The following SLC44A5 variants were observed in gnomAD, a reference collection of about 807,000 sequenced individuals.
SLC44A5 encodes the protein choline transporter-like protein 5.
Under a neutral mutation model 101.8 loss-of-function variants are expected in SLC44A5, and 57 were observed. The ratio of observed to expected loss-of-function variants is 0.56; its 90% CI spans 0.45 to 0.70. The LOEUF (loss-of-function observed/expected upper bound fraction) is 0.70, where lower values mean the gene tolerates loss of function less well. Ranked by LOEUF, SLC44A5 falls within the 30% of genes least tolerant of loss-of-function variation. SLC44A5 has a pLI of 0.00. For synonymous variants in SLC44A5, 281 were observed against 290.9 expected, an observed-to-expected ratio of 0.97 and a Z score of 0.35; for missense variants, 737 against 853.1, an observed-to-expected ratio of 0.86 and a Z score of 1.70.
intron 2 of SLC44A5, among the ~76,000 whole-genome samples, chr1:75,447,870 T>G (rs575558516): frequency 1.3e-5 from 2 of 152,188 alleles, no homozygotes; most frequent in East Asian, 3.8e-4. Context: ...AATGGTTTAG[T>G]AAATATAAGC....
chr1:75,699,056 G>A, the SLC44A5 span, among the ~76,000 whole-genome samples: 1 of 152,148 alleles, frequency 6.6e-6, no homozygotes, highest in Non-Finnish European at 1.5e-5. Flanking sequence ...CGGGGAGAAT[G>A]GAACCAAGTT....
rs181114500 is a variant in SLC44A5 at position 75,279,011 on chromosome 1, T to C, written c.176-3969A>G. 8.5e-4 allele frequency among the ~76,000 whole-genome samples: 129 copies of C among 152,236 alleles called. No individual in the cohort carries two copies. The East Asian group carries it at 0.016, about 19-fold the overall frequency. ...AGGTTTAATGATCAAATCAGGATAA[T>C]TGGAATATCTATCACCTCAAACCTT... On this transcript the variant is annotated intron_variant, in intron 5 of 23. Transcript: ENST00000370859.
At chr1:75,474,181 A>T (rs1282487230) in intron 2 of SLC44A5, among the ~76,000 whole-genome samples, 1 of 152,210 alleles carries the variant, frequency 6.6e-6, no homozygotes, top group Non-Finnish European at 1.5e-5. Context: ...CTGAAAAATA[A>T]AAAAAGAAGG....
intron 2 of SLC44A5, among the ~76,000 whole-genome samples, chr1:75,510,561 T>C (rs191693109): frequency 7.5e-4 from 115 of 152,328 alleles, no homozygotes; most frequent in African/African-American, 2.5e-3. Context: ...GCATTCCTGA[T>C]ACATTTTAAA....
At chr1:75,362,956 A>G (rs78665761) in intron 3 of SLC44A5, among the ~76,000 whole-genome samples, 2,772 of 152,208 alleles carry the variant, frequency 0.018, 85 homozygotes, top group African/African-American at 0.064. Context: ...ATTGCAGTCT[A>G]TATTTCCCTC....
chr1:75,465,103 A>C (rs1372879290), intron 2 of SLC44A5, among the ~76,000 whole-genome samples: 1 of 152,198 alleles, frequency 6.6e-6, no homozygotes, highest in Non-Finnish European at 1.5e-5. Context: ...GTTCATCAGC[A>C]CATGGATCAT....
At chr1:75,536,532 C>T (rs1181082978) in intron 2 of SLC44A5, among the ~76,000 whole-genome samples, 2 of 141,138 alleles carry the variant, frequency 1.4e-5, no homozygotes, top group Non-Finnish European at 3.0e-5. Flanking sequence ...ACCCGGGAAG[C>T]GAAGCTTGCA....
intron 2 of SLC44A5, among the ~76,000 whole-genome samples, chr1:75,401,916 A>C (rs1272171722): frequency 6.6e-6 from 1 of 152,208 alleles, no homozygotes; most frequent in African/African-American, 2.4e-5. Flanking sequence ...CAATTCTAGC[A>C]GACAAAATTT....
intron 2 of SLC44A5, among the ~76,000 whole-genome samples, chr1:75,457,573 C>T (rs986657264): frequency 2.0e-5 from 3 of 152,046 alleles, no homozygotes; most frequent in Non-Finnish European, 2.9e-5. Flanking sequence ...AAAAGTTCAC[C>T]GAGGCCAGGT....
intron 22 of SLC44A5, among the ~76,000 whole-genome samples, chr1:75,212,954 C>T (rs1646887276): frequency 6.6e-6 from 1 of 152,168 alleles, no homozygotes; most frequent in South Asian, 2.1e-4. Context: ...AACAATTGCC[C>T]TTCCTGCAGG....
At chr1:75,633,980 A>G in the SLC44A5 span, among the ~76,000 whole-genome samples, 1 of 151,968 alleles carries the variant, frequency 6.6e-6, no homozygotes, top group Non-Finnish European at 1.5e-5. Flanking sequence ...TGAGATAATC[A>G]TGTGGTTTTT....
At chr1:75,507,265 T>C (rs1483828330) in intron 2 of SLC44A5, among the ~76,000 whole-genome samples, 1 of 152,166 alleles carries the variant, frequency 6.6e-6, no homozygotes, top group African/African-American at 2.4e-5. Flanking sequence ...GAAAGGATGT[T>C]AGATTTTATT....
intron 12 of SLC44A5, among the ~76,000 whole-genome samples, chr1:75,231,714 A>C (rs1647589082): frequency 1.3e-5 from 2 of 152,166 alleles, no homozygotes. Context: ...GAAACCTATG[A>C]ATTAAAGAAA....
At chr1:75,679,921 T>G in the SLC44A5 span, among the ~76,000 whole-genome samples, 1 of 151,960 alleles carries the variant, frequency 6.6e-6, no homozygotes, top group South Asian at 2.1e-4. Flanking sequence ...GAGGAAGATC[T>G]ACCAAGCAAA....
At chr1:75,424,853 G>T (rs116765932) in intron 2 of SLC44A5, among the ~76,000 whole-genome samples, 14 of 152,140 alleles carry the variant, frequency 9.2e-5, no homozygotes, top group Non-Finnish European at 1.8e-4. Flanking sequence ...GAAAAGTGAA[G>T]AATTTAGTGA....
chr1:75,484,779 C>T (rs1418627105), intron 2 of SLC44A5, among the ~76,000 whole-genome samples: 2 of 152,236 alleles, frequency 1.3e-5, no homozygotes, highest in East Asian at 3.9e-4. Flanking sequence ...TAGGTGGAGG[C>T]TCCCAAAGCT....
At chr1:75,423,063 T>C (rs17096851) in intron 2 of SLC44A5, among the ~76,000 whole-genome samples, 14,967 of 152,264 alleles carry the variant, frequency 0.098, 904 homozygotes, top group Admixed American at 0.19. Context: ...TAAATCCTGA[T>C]TCATCTCTCA....
At chr1:75,242,308 T>C (rs993562892) in intron 8 of SLC44A5, among the ~76,000 whole-genome samples, 1 of 152,008 alleles carries the variant, frequency 6.6e-6, no homozygotes, top group African/African-American at 2.4e-5. Context: ...AGGAACACCT[T>C]TGGAGGTGTG....
intron 1 of SLC44A5, among the ~76,000 whole-genome samples, chr1:75,571,082 C>T (rs1282495850): frequency 6.6e-6 from 1 of 152,152 alleles, no homozygotes; most frequent in African/African-American, 2.4e-5. Context: ...AATGGCTCCA[C>T]CACAAGCGCT....
Sources: gnomAD v4.1 joint callset for allele counts (sites outside exome capture counted in the v4.1 genomes callset) on GRCh38, gnomAD v4.1.1 for gene constraint, MANE v1.5 for transcripts, NCBI Gene and HGNC (gene_info 2026-07-23, HGNC 2026-07-21) for gene names.